Variants in CNOT3 observed in about 807,000 individuals in gnomAD.
The protein encoded by CNOT3 is CCR4-associated factor 3.
In CNOT3, 2 loss-of-function variants were observed where a neutral mutation model predicts 89.4. The ratio of observed to expected loss-of-function variants is 0.02; its 90% CI spans 0.01 to 0.07. The LOEUF (loss-of-function observed/expected upper bound fraction) is 0.07. Among genes scored for constraint, CNOT3 ranks in the 10% least tolerant of loss-of-function variants. The pLI, the probability that CNOT3 is intolerant of heterozygous loss-of-function variation, is 1.00. For synonymous variants in CNOT3, 486 were observed against 402.0 expected, an observed-to-expected ratio of 1.21 and a Z score of -2.50; for missense variants, 664 against 1,010.2, an observed-to-expected ratio of 0.66 and a Z score of 4.65.
Position 54,155,626 on chromosome 19 carries a change from T to C in CNOT3, c.*219T>C. On this transcript the variant is annotated 3_prime_UTR_variant, in exon 18 of 18. Coordinates refer to ENST00000221232, the MANE Select transcript of CNOT3 (RefSeq NM_014516.4). ...CTCCCCTCCCCAGTGAGGGACATTT[T>C]TTGGTAAACCTATTTTCATTTTGGA... 4.6e-6 allele frequency: 6 copies of C among 1,299,924 alleles called. No individual in the cohort carries two copies. Among genetic ancestry groups the C allele is most frequent in the Non-Finnish European group, 6.3e-6 (6 of 947,560 alleles). The allele number at this position is 1,299,924 out of a possible 1,614,324, so 80.5% of individuals were successfully genotyped here.
Position 54,149,666 on chromosome 19 carries a change from C to T in CNOT3, c.1513C>T (p.Pro505Ser). ...CCTGGTGCCACTGCCTGTGAATCCT[C>T]CCAGCTCCCCAACGCCCAGCTTCAG... is the stretch of plus-strand genomic sequence containing the variant. ...SLLVPLPVNP[P>S]SSPTPSFSDA... is the part of the protein sequence containing the mutation. Residue 505 changes from proline to serine, a missense_variant, in exon 13 of 18, where the codon CCC (proline) becomes TCC (serine). Coordinates refer to ENST00000221232, the MANE Select transcript of CNOT3 (RefSeq NM_014516.4). 6.2e-7 allele frequency: 1 copy of T among 1,614,094 alleles called. No homozygotes were observed. Among genetic ancestry groups the T allele is most frequent in the Non-Finnish European group, 8.5e-7 (1 of 1,179,964 alleles).
At chr19:54,140,292 A>G (rs587748760) in intron 1 of CNOT3, among the ~76,000 whole-genome samples, 1 of 150,868 alleles carries the variant, frequency 6.6e-6, no homozygotes, top group African/African-American at 2.4e-5. Flanking sequence ...CCCTGTGGGG[A>G]TGTGTGTTCC....
chr19:54,153,551 T>C (rs747358739), intron 16 of CNOT3, 164 bp from the exon 17 acceptor site: 77 of 779,354 alleles, frequency 9.9e-5, no homozygotes, highest in Middle Eastern at 4.5e-4. Flanking sequence ...CTGATCAGCA[T>C]TGGTATGTTC....
chr19:54,153,575 C>T, intron 16 of CNOT3, 140 bp from the exon 17 acceptor site: 1 of 784,426 alleles, frequency 1.3e-6, no homozygotes. Flanking sequence ...GCCCCCAGCC[C>T]CATCTCCAAG....
intron 10 of CNOT3, among the ~76,000 whole-genome samples, chr19:54,147,572 C>G (rs1466073000): frequency 6.6e-6 from 1 of 152,122 alleles, no homozygotes; most frequent in Non-Finnish European, 1.5e-5. Flanking sequence ...GGAAAGAAGC[C>G]CAGGAGGTGG....
At chr19:54,146,132 G>C (rs895292111) in intron 9 of CNOT3, 89 bp downstream of exon 9, 1 of 1,410,322 alleles carries the variant, frequency 7.1e-7, no homozygotes, top group Admixed American at 1.8e-5. Flanking sequence ...GTGGCTATGG[G>C]AGCGTAATTG....
At chr19:54,153,377 GC>G (rs745648861) in intron 16 of CNOT3, 2 of 764,442 alleles carry the variant, frequency 2.6e-6, no homozygotes, top group Non-Finnish European at 4.8e-6. Context: ...GAGCTGTCCA[GC>G]CCCCTCCCAA....
chr19:54,145,118 T>C lies in CNOT3; in HGVS notation c.484-480T>C, dbSNP rs967041033. Among the ~76,000 whole-genome samples, 3 of 151,528 alleles carry C rather than the reference T, an allele frequency of 2.0e-5. No individual in the cohort carries two copies. Among genetic ancestry groups the C allele is most frequent in the Non-Finnish European group, 2.9e-5 (2 of 67,880 alleles). On this transcript the variant is annotated intron_variant, in intron 7 of 17. Coordinates refer to ENST00000221232, the MANE Select transcript of CNOT3 (RefSeq NM_014516.4). The surrounding 1 kb of genome is among the most constrained non-coding windows in gnomAD (Gnocchi z 5.9). The stretch of plus-strand genomic sequence containing the variant: ...GAATCTGGGCTCTCTCAGGGATAAA[T>C]GGGTAGGGTTGGGGGCCTAGTGATG...
At chr19:54,151,786 C>T (rs1470693037) in intron 13 of CNOT3, among the ~76,000 whole-genome samples, 1 of 152,212 alleles carries the variant, frequency 6.6e-6, no homozygotes, top group Non-Finnish European at 1.5e-5. Flanking sequence ...ATGCCAGTCA[C>T]AGGCAGACAG....
At chr19:54,154,754 C>T (rs73613026) in intron 17 of CNOT3, 2,493 of 153,550 alleles carry the variant, frequency 0.016, 65 homozygotes, top group African/African-American at 0.054. Flanking sequence ...CAGATGTTAA[C>T]CACAGACTTC....
intron 1 of CNOT3, chr19:54,141,552 G>C (rs1490921747): frequency 6.6e-6 from 1 of 152,236 alleles, no homozygotes; most frequent in African/African-American, 2.4e-5. Context: ...CCACATTTCA[G>C]ATGTTCAGTG....
In CNOT3 at chr19:54,148,586, G is replaced by A. The variant is rs1451402133; in HGVS notation, c.1283-34G>A. The A allele has an allele frequency of 6.3e-7, 1 of 1,598,726 alleles. No homozygotes were observed. The highest frequency in any genetic ancestry group is 1.1e-5 in the South Asian group (1 of 89,300). ...GGGCGTGGGCGGGGCTGGGCAGCAGGCAGCAGCCCTTTCCATTTACTCTTT... is the reference window on the plus strand; with the variant it reads ...GGGCGTGGGCGGGGCTGGGCAGCAGACAGCAGCCCTTTCCATTTACTCTTT... On this transcript the variant is annotated intron_variant, in intron 11 of 17. Transcript: ENST00000221232. The surrounding 1 kb of genome is among the most constrained non-coding windows in gnomAD (Gnocchi z 6.3).
chr19:54,138,529 A>G (rs2074314922), intron 1 of CNOT3, among the ~76,000 whole-genome samples: 1 of 151,588 alleles, frequency 6.6e-6, no homozygotes, highest in Admixed American at 6.6e-5. Flanking sequence ...GGTCGGGACG[A>G]GGACCCCAGC....
At chr19:54,138,743 T>A (rs587735819) in intron 1 of CNOT3, among the ~76,000 whole-genome samples, 2 of 152,286 alleles carry the variant, frequency 1.3e-5, no homozygotes, top group South Asian at 4.1e-4. Context: ...CTGCAGCTCT[T>A]CCCTCTCATA....
rs1391924349 is a variant in CNOT3 at position 54,155,163 on chromosome 19, A to G, written c.2164-146A>G. ...CCTACCCAAGAAGAACCTTGTGAGGATGGATGAGAGTGTGTGCGTGCAGGG... is the reference window on the plus strand; with the variant it reads ...CCTACCCAAGAAGAACCTTGTGAGGGTGGATGAGAGTGTGTGCGTGCAGGG... On this transcript the variant is annotated intron_variant, in intron 17 of 17. Transcript: ENST00000221232. 8 of 812,862 alleles carry G rather than the reference A, an allele frequency of 9.8e-6. No homozygotes were observed. The African/African-American group carries it at 1.2e-4, about 13-fold the overall frequency. 50.4% of individuals were successfully genotyped at this position (812,862 alleles called of 1,614,324 possible). A position where few individuals can be genotyped will look rare whatever the true frequency, so the allele number is the denominator to read the frequency against.
intron 1 of CNOT3, among the ~76,000 whole-genome samples, chr19:54,141,186 A>G (rs587772898): frequency 3.6e-4 from 55 of 152,176 alleles, no homozygotes; most frequent in Middle Eastern, 3.4e-3. Flanking sequence ...CTCAGCCTGA[A>G]TCCCCACTGT....
chr19:54,153,616 C>A, intron 16 of CNOT3, 99 bp from the exon 17 acceptor site: 1 of 891,656 alleles, frequency 1.1e-6, no homozygotes, highest in Non-Finnish European at 1.9e-6. Flanking sequence ...TGGTCTGTGG[C>A]GGGGGCCGGG....
At chr19:54,141,138 C>G (rs1318418748) in intron 1 of CNOT3, among the ~76,000 whole-genome samples, 3 of 152,168 alleles carry the variant, frequency 2.0e-5, no homozygotes, top group African/African-American at 7.2e-5. Flanking sequence ...AGGCCCTTGC[C>G]TTGTGTGAGC....
At chr19:54,147,407 GTGA>G (rs1288866497) in intron 10 of CNOT3, among the ~76,000 whole-genome samples, 2 of 152,206 alleles carry the variant, frequency 1.3e-5, no homozygotes, top group East Asian at 3.8e-4. Context: ...GGGCCAGGAG[GTGA>G]TGAGGAGAGA....
Sources: allele counts gnomAD v4.1 joint callset (sites outside exome capture counted in the v4.1 genomes callset), GRCh38; gene constraint gnomAD v4.1.1; non-coding constraint Gnocchi (gnomAD v3.1); transcripts MANE v1.5; gene names NCBI Gene and HGNC (gene_info 2026-07-23, HGNC 2026-07-21).